The following RBFOX3 variants were observed in gnomAD, a reference collection of about 807,000 sequenced individuals.
RBFOX3 encodes RNA binding protein fox-1 homolog 3.
A neutral mutation model predicts 48.7 loss-of-function variants in RBFOX3; 17 were observed. The observed-to-expected ratio is 0.35, with a 90% confidence interval of 0.24 to 0.52. RBFOX3 has a LOEUF of 0.52. Ranked by LOEUF, RBFOX3 falls within the 20% of genes least tolerant of loss-of-function variation. The pLI is 0.94. For missense variants in RBFOX3, 382 were observed against 497.5 expected (o/e 0.77, Z 2.21); for synonymous variants, 212 against 209.5 (o/e 1.01, Z -0.10).
At chr17:79,396,807 C>T (rs1665780954) in intron 2 of RBFOX3, among the ~76,000 whole-genome samples, 1 of 152,216 alleles carries the variant, frequency 6.6e-6, no homozygotes, top group African/African-American at 2.4e-5. Flanking sequence ...GTCCAGAATT[C>T]CCAGACAGCA....
intron 1 of RBFOX3, among the ~76,000 whole-genome samples, chr17:79,555,209 A>G (rs1022899071): frequency 4.5e-4 from 69 of 152,382 alleles, no homozygotes; most frequent in African/African-American, 1.7e-3. Flanking sequence ...TAGCTATCAC[A>G]TACCCAGCAC....
chr17:79,261,901 G>A (rs1000843621), intron 3 of RBFOX3, among the ~76,000 whole-genome samples: 30 of 152,272 alleles, frequency 2.0e-4, no homozygotes, highest in African/African-American at 6.5e-4. Flanking sequence ...CCGGCCCCGC[G>A]GAATTGTGGG....
chr17:79,177,595 C>T (rs1024023468), intron 4 of RBFOX3, among the ~76,000 whole-genome samples: 1 of 152,182 alleles, frequency 6.6e-6, no homozygotes, highest in East Asian at 1.9e-4. Context: ...ACTGGCACAC[C>T]CATGCTGCCC....
intron 4 of RBFOX3, among the ~76,000 whole-genome samples, chr17:79,223,803 C>A (rs529412201): frequency 5.9e-5 from 9 of 152,158 alleles, no homozygotes; most frequent in East Asian, 1.9e-4. Flanking sequence ...GGCAGTGCGC[C>A]CCCCCTACAG....
the RBFOX3 span, among the ~76,000 whole-genome samples, chr17:79,651,170 C>G: frequency 6.6e-6 from 1 of 152,154 alleles, no homozygotes; most frequent in South Asian, 2.1e-4. Flanking sequence ...CCAGGGTCCA[C>G]GTGCCCACTT....
chr17:79,618,618 C>T, the RBFOX3 span, among the ~76,000 whole-genome samples: 1 of 152,096 alleles, frequency 6.6e-6, no homozygotes, highest in Admixed American at 6.6e-5. Flanking sequence ...CTGCATAAGC[C>T]GGCGGAGTGC....
At chr17:79,146,207 T>C (rs1285073495) in intron 4 of RBFOX3, among the ~76,000 whole-genome samples, 1 of 152,000 alleles carries the variant, frequency 6.6e-6, no homozygotes, top group Non-Finnish European at 1.5e-5. Flanking sequence ...CATGGAGGGG[T>C]TGAAGACCCC....
intron 1 of RBFOX3, among the ~76,000 whole-genome samples, chr17:79,588,418 T>C (rs1307713527): frequency 6.6e-6 from 1 of 151,812 alleles, no homozygotes; most frequent in Non-Finnish European, 1.5e-5. Context: ...CATCAAATCC[T>C]CCTCCTGCCA....
At chr17:79,369,175 C>T (rs528234037) in intron 2 of RBFOX3, among the ~76,000 whole-genome samples, 26 of 152,294 alleles carry the variant, frequency 1.7e-4, no homozygotes, top group East Asian at 1.2e-3. Context: ...ACACGAGCAA[C>T]GGGCAACTCT....
At chr17:79,367,013 C>T (rs1158004977) in intron 2 of RBFOX3, among the ~76,000 whole-genome samples, 1 of 152,164 alleles carries the variant, frequency 6.6e-6, no homozygotes, top group Non-Finnish European at 1.5e-5. Flanking sequence ...GGTGGGGCAG[C>T]TCCAGAGCTA....
intron 4 of RBFOX3, among the ~76,000 whole-genome samples, chr17:79,134,065 G>A (rs1303316107): frequency 6.6e-6 from 1 of 152,208 alleles, no homozygotes; most frequent in African/African-American, 2.4e-5. Flanking sequence ...GGGCAGGAGG[G>A]GGTGGAGACG....
At chr17:79,350,923 C>T (rs2083812693) in intron 2 of RBFOX3, among the ~76,000 whole-genome samples, 1 of 152,182 alleles carries the variant, frequency 6.6e-6, no homozygotes, top group African/African-American at 2.4e-5. Context: ...CCCACCTTTT[C>T]CCCTCCCTGG....
At chr17:79,160,491 C>A (rs1446219524) in intron 4 of RBFOX3, among the ~76,000 whole-genome samples, 3 of 152,202 alleles carry the variant, frequency 2.0e-5, no homozygotes, top group Non-Finnish European at 4.4e-5. Flanking sequence ...GTGGGGCGGT[C>A]ACAAGCCTGC....
chr17:79,496,694 G>T (rs1388302677), intron 1 of RBFOX3, among the ~76,000 whole-genome samples: 1 of 152,110 alleles, frequency 6.6e-6, no homozygotes. Flanking sequence ...TTCCTGGCAG[G>T]ATGTGTCATT....
chr17:79,657,792 C>A, the RBFOX3 span, among the ~76,000 whole-genome samples: 1 of 152,194 alleles, frequency 6.6e-6, no homozygotes, highest in African/African-American at 2.4e-5. Flanking sequence ...GCAGAGGTTA[C>A]AATGCAGGTC....
chr17:79,362,066 C>T lies in RBFOX3; in HGVS notation c.-174-54242G>A, dbSNP rs146608005. Among the ~76,000 whole-genome samples the T allele has an allele frequency of 6.6e-6, 1 of 152,268 alleles. No individual in the cohort carries two copies. Among genetic ancestry groups the T allele is most frequent in the Non-Finnish European group, 1.5e-5 (1 of 68,030 alleles). On this transcript the variant is annotated intron_variant, in intron 2 of 14. Coordinates refer to ENST00000693108, the MANE Select transcript of RBFOX3 (RefSeq NM_001350451.2). The surrounding 1 kb of genome is among the most constrained non-coding windows in gnomAD (Gnocchi z 4.2). ...GCCTGCTGCGTATTTACTCAGTCAT[C>T]AAAGCGCAAATGTGGTGGGTAACAG...
In RBFOX3 at chr17:79,321,405, C is replaced by T. The variant is rs73423405; in HGVS notation, c.-174-13581G>A. ...CCCTGAGCTAAACGTTCAGCTAGAC[C>T]CCTCCAGGTCCGGCCCCAACACGCC... is the stretch of plus-strand genomic sequence containing the variant. On this transcript the variant is annotated intron_variant, in intron 2 of 14. Transcript: ENST00000693108. Among the ~76,000 whole-genome samples the T allele has an allele frequency of 7.8e-3, 1,181 of 152,298 alleles. 14 individuals carry two copies. Among genetic ancestry groups the T allele is most frequent in the African/African-American group, 0.027 (1,116 of 41,550 alleles).
intron 2 of RBFOX3, among the ~76,000 whole-genome samples, chr17:79,435,214 G>A (rs1951582552): frequency 6.6e-6 from 1 of 152,206 alleles, no homozygotes; most frequent in African/African-American, 2.4e-5. Flanking sequence ...CTGGTCACCA[G>A]AGGAAGCTGG....
intron 1 of RBFOX3, among the ~76,000 whole-genome samples, chr17:79,483,226 C>T (rs1325107220): frequency 2.0e-5 from 3 of 151,866 alleles, no homozygotes; most frequent in East Asian, 1.9e-4. Flanking sequence ...ACATGGGGGC[C>T]GTGCGCTCAT....
Sources: gnomAD v4.1 joint callset for allele counts (sites outside exome capture counted in the v4.1 genomes callset) on GRCh38, gnomAD v4.1.1 for gene constraint, Gnocchi (gnomAD v3.1) non-coding constraint, MANE v1.5 for transcripts, NCBI Gene and HGNC (gene_info 2026-07-23, HGNC 2026-07-21) for gene names.